CCDC192: variants seen among roughly 807,000 people sequenced by gnomAD.
The protein encoded by CCDC192 is coiled-coil domain containing 192, also known as coiled-coil domain-containing protein 192.
At chr5:127,742,451 C>G (rs1267197614) in intron 2 of CCDC192, among the ~76,000 whole-genome samples, 1 of 152,024 alleles carries the variant, frequency 6.6e-6, no homozygotes, top group East Asian at 1.9e-4. Flanking sequence ...ATCCTGGAAC[C>G]TTGCTAAGGC....
At chr5:127,927,404 T>A (rs1212825961) in intron 6 of CCDC192, among the ~76,000 whole-genome samples, 1 of 152,138 alleles carries the variant, frequency 6.6e-6, no homozygotes, top group African/African-American at 2.4e-5. Context: ...GTACTATCTG[T>A]GGTTGCAGGC....
intron 4 of CCDC192, among the ~76,000 whole-genome samples, 195 bp downstream of exon 4, chr5:127,797,429 G>A (rs945885635): frequency 6.6e-6 from 1 of 151,976 alleles, no homozygotes; most frequent in African/African-American, 2.4e-5. Flanking sequence ...TTTGCTAGTA[G>A]TAGTTTTAAA....
chr5:127,781,581 T>C (rs1365676294), intron 3 of CCDC192, among the ~76,000 whole-genome samples: 1 of 151,888 alleles, frequency 6.6e-6, no homozygotes, highest in Admixed American at 6.6e-5. Context: ...TATTCCTTTT[T>C]TTTTTTTTTT....
chr5:127,850,399 C>CA (rs1289256588), intron 5 of CCDC192, among the ~76,000 whole-genome samples: 1 of 152,110 alleles, frequency 6.6e-6, no homozygotes, highest in East Asian at 1.9e-4. Context: ...TGCTGATTCT[C>CA]ACAAAGGTAC....
At chr5:127,760,226 G>T (rs1002184741) in intron 3 of CCDC192, among the ~76,000 whole-genome samples, 2 of 150,270 alleles carry the variant, frequency 1.3e-5, no homozygotes, top group Admixed American at 1.3e-4. Context: ...CCACCTTAAA[G>T]AACTGAGGGT....
chr5:127,901,467 G>A (rs549770891), intron 6 of CCDC192, among the ~76,000 whole-genome samples: 172 of 152,196 alleles, frequency 1.1e-3, no homozygotes, highest in African/African-American at 4.0e-3. Context: ...GATTAGACTG[G>A]TTTAGAGAAG....
intron 2 of CCDC192, among the ~76,000 whole-genome samples, chr5:127,723,896 G>A (rs1752162773): frequency 6.6e-6 from 1 of 152,176 alleles, no homozygotes; most frequent in Non-Finnish European, 1.5e-5. Context: ...TAGCTAAACT[G>A]TTTATGTTAG....
At chr5:127,806,893 T>A (rs1757817443) in intron 5 of CCDC192, among the ~76,000 whole-genome samples, 1 of 152,196 alleles carries the variant, frequency 6.6e-6, no homozygotes, top group African/African-American at 2.4e-5. Context: ...GAGCTATTTA[T>A]GCGAATCATG....
chr5:127,819,758 T>A (rs1749197566), intron 5 of CCDC192, among the ~76,000 whole-genome samples: 1 of 152,156 alleles, frequency 6.6e-6, no homozygotes, highest in Non-Finnish European at 1.5e-5. Flanking sequence ...ACGATCCCTA[T>A]AAAACAATTT....
chr5:127,831,038 A>G (rs930153226), intron 5 of CCDC192, among the ~76,000 whole-genome samples: 5 of 152,112 alleles, frequency 3.3e-5, no homozygotes, highest in Non-Finnish European at 7.4e-5. Flanking sequence ...TTTATGGTTA[A>G]TTCTGAGGGA....
intron 5 of CCDC192, among the ~76,000 whole-genome samples, chr5:127,830,662 A>C (rs1377854068): frequency 1.3e-5 from 2 of 152,066 alleles, no homozygotes; most frequent in Non-Finnish European, 2.9e-5. Context: ...ATAGGACATC[A>C]ATATGTGAAT....
At chr5:127,907,191 A>G (rs757632009) in intron 6 of CCDC192, among the ~76,000 whole-genome samples, 3 of 152,206 alleles carry the variant, frequency 2.0e-5, no homozygotes, top group Non-Finnish European at 2.9e-5. Flanking sequence ...CTGTGAACAA[A>G]GTCCAAGAAA....
intron 3 of CCDC192, among the ~76,000 whole-genome samples, chr5:127,778,839 G>A (rs2126927089): frequency 6.6e-6 from 1 of 151,622 alleles, no homozygotes; most frequent in Admixed American, 6.6e-5. Flanking sequence ...TCTTGAGTCA[G>A]TTTTAGTAAT....
chr5:127,887,153 C>A (rs1278515030), intron 6 of CCDC192, among the ~76,000 whole-genome samples: 1 of 151,748 alleles, frequency 6.6e-6, no homozygotes, highest in Non-Finnish European at 1.5e-5. Context: ...CAGGGGGAAA[C>A]CCTGTCTCTA....
chr5:127,876,918 T>C (rs989532685), intron 6 of CCDC192, among the ~76,000 whole-genome samples: 3 of 152,190 alleles, frequency 2.0e-5, no homozygotes, highest in African/African-American at 7.2e-5. Context: ...TGAAACAACA[T>C]AAAGGCAGTT....
At chr5:127,850,403 A>G (rs1449252412) in intron 5 of CCDC192, among the ~76,000 whole-genome samples, 1 of 152,106 alleles carries the variant, frequency 6.6e-6, no homozygotes, top group African/African-American at 2.4e-5. Flanking sequence ...GATTCTCACA[A>G]AGGTACTCCA....
intron 5 of CCDC192, among the ~76,000 whole-genome samples, chr5:127,804,926 G>T (rs183292717): frequency 6.6e-6 from 1 of 152,314 alleles, no homozygotes; most frequent in Admixed American, 6.5e-5. Context: ...TTTCACAGAT[G>T]AGGCTGGCCT....
At chr5:127,714,301 AT>A (rs761910912) in intron 2 of CCDC192, among the ~76,000 whole-genome samples, 18 of 152,208 alleles carry the variant, frequency 1.2e-4, no homozygotes, top group Non-Finnish European at 2.1e-4. Context: ...TGCAACAAAC[AT>A]GAGTGTGCAG....
intron 3 of CCDC192, among the ~76,000 whole-genome samples, chr5:127,773,921 C>A (rs771722580): frequency 6.6e-6 from 1 of 152,138 alleles, no homozygotes; most frequent in Non-Finnish European, 1.5e-5. Context: ...CTCAGCAACA[C>A]CTTTTATTTT....
Sources: gnomAD v4.1 joint callset for allele counts (sites outside exome capture counted in the v4.1 genomes callset) on GRCh38, gnomAD v4.1.1 for gene constraint, MANE v1.5 for transcripts, NCBI Gene and HGNC (gene_info 2026-07-23, HGNC 2026-07-21) for gene names.